Variants in KCTD13 observed in about 807,000 individuals in gnomAD.
KCTD13 encodes potassium channel tetramerization domain containing 13.
A neutral mutation model predicts 32.3 loss-of-function variants in KCTD13; 15 were observed. That is an observed-to-expected ratio of 0.46 (90% confidence interval 0.31 to 0.71). The LOEUF is 0.71. Ranked by LOEUF, KCTD13 falls within the 30% of genes least tolerant of loss-of-function variation. The pLI, the probability that KCTD13 is intolerant of heterozygous loss-of-function variation, is 0.05. For synonymous variants in KCTD13, 189 were observed against 200.1 expected (o/e 0.94, Z 0.47); for missense variants, 337 against 452.6 (o/e 0.74, Z 2.32).
rs1482195369 is a variant in KCTD13, at chr16:29,906,831, T to G, written c.*41A>C. 1.3e-6 allele frequency: 2 copies of G among 1,556,222 alleles called. No individual in the cohort carries two copies. The highest frequency in any genetic ancestry group is 4.5e-5 in the East Asian group (2 of 44,402). On this transcript the variant is annotated 3_prime_UTR_variant, in exon 6 of 6. Transcript: ENST00000568000. ...GAAGGGGAGGGAAAGAGAGAGGGAC[T>G]GGGTCCCAAGGCAAGAGGAAGGCAG...
chr16:29,909,373 T>G (rs1031344274), intron 5 of KCTD13, among the ~76,000 whole-genome samples: 15 of 152,068 alleles, frequency 9.9e-5, no homozygotes, highest in Admixed American at 9.8e-4. Context: ...GAGGCAACAG[T>G]GTGTGCAGAG....
At chr16:29,912,260 C>A in intron 2 of KCTD13, 1 of 593,544 alleles carries the variant, frequency 1.7e-6, no homozygotes, top group South Asian at 2.1e-5. Context: ...ACACATCCAG[C>A]TTGTGCCTGC....
chr16:29,923,255 G>A lies in KCTD13; in HGVS notation c.349C>T (p.Leu117=). ...AGGTAGTAGCGTGCTTCGCCCAGCA[G>A]CTCCCCCAGTTCTCTCGTACTCTCC... The part of the protein sequence containing the change: ...LPESTRELGE[L]LGEARYYLVQ... The change falls in exon 2 of 6, where the codon CTG becomes TTG. Residue 117 remains leucine, a synonymous_variant. Coordinates refer to ENST00000568000, the MANE Select transcript of KCTD13 (RefSeq NM_178863.5). 6.2e-7 allele frequency: 1 copy of A among 1,614,166 alleles called. No homozygotes were observed. Among genetic ancestry groups the A allele is most frequent in the South Asian group, 1.1e-5 (1 of 91,082 alleles).
chr16:29,921,648 C>A (rs922084220), intron 2 of KCTD13: 1 of 151,988 alleles, frequency 6.6e-6, no homozygotes, highest in African/African-American at 2.4e-5. Context: ...AACTACAGGC[C>A]GGGTTTTAAA....
intron 1 of KCTD13, 53 bp downstream of exon 1, chr16:29,925,737 G>A: frequency 1.9e-6 from 3 of 1,565,278 alleles, no homozygotes; most frequent in Non-Finnish European, 2.6e-6. Context: ...GAGACTGCGG[G>A]GAACGGGAGT....
intron 2 of KCTD13, among the ~76,000 whole-genome samples, chr16:29,917,938 ACT>A (rs1024163760): frequency 2.0e-5 from 3 of 152,100 alleles, no homozygotes; most frequent in Non-Finnish European, 4.4e-5. Context: ...ACAGATCAAG[ACT>A]CTGCCTCAAA....
Position 29,911,080 on chromosome 16 carries a change from C to G in KCTD13, c.651G>C (p.Leu217=). The G allele has an allele frequency of 6.2e-7, 1 of 1,614,186 alleles. No homozygotes were observed. The highest frequency in any genetic ancestry group is 8.5e-7 in the Non-Finnish European group (1 of 1,180,020). ...AAGACCAGCAGCAGATCTCGTCCCC[C>G]AGGACATCCTTGAGGAAGAGTAGCC... The part of the protein sequence containing the change: ...HGRLLFLKDV[L]GDEICCWSFY... Residue 217 remains leucine (L), a synonymous_variant, in exon 5 of 6, where the codon CTG becomes CTC. Transcript: ENST00000568000.
intron 2 of KCTD13, chr16:29,919,399 C>T (rs2068868303): frequency 6.6e-6 from 1 of 152,102 alleles, no homozygotes; most frequent in Non-Finnish European, 1.5e-5. Flanking sequence ...AAGGCAGTTA[C>T]CTATCAATGA....
At chr16:29,910,943 C>A in intron 5 of KCTD13, 35 bp downstream of exon 5, 2 of 1,590,778 alleles carry the variant, frequency 1.3e-6, no homozygotes, top group South Asian at 2.3e-5. Flanking sequence ...CTGGCCACCC[C>A]CAGCCCCCAA....
At chr16:29,909,291 G>C (rs1439046449) in intron 5 of KCTD13, among the ~76,000 whole-genome samples, 1 of 152,188 alleles carries the variant, frequency 6.6e-6, no homozygotes, top group Non-Finnish European at 1.5e-5. Flanking sequence ...GTGACCCAAA[G>C]AAAGTGATGC....
At chr16:29,925,486 A>C (rs1015355676) in intron 1 of KCTD13, 5 of 426,360 alleles carry the variant, frequency 1.2e-5, no homozygotes, top group Admixed American at 3.8e-5. Context: ...TGAGGGGTGA[A>C]GGGTGGGAGA....
At chr16:29,923,129 C>G in intron 2 of KCTD13, 61 bp downstream of exon 2, 3 of 1,579,032 alleles carry the variant, frequency 1.9e-6, no homozygotes, top group Non-Finnish European at 2.6e-6. Context: ...TTTTTCTGCT[C>G]TAATACCTGC....
chr16:29,922,351 T>A (rs2068928937), intron 2 of KCTD13: 1 of 152,200 alleles, frequency 6.6e-6, no homozygotes. Context: ...ACTTTTATAA[T>A]CTTCTCTTAC....
Position 29,911,029 on chromosome 16 carries a change from G to C in KCTD13, c.702C>G (p.Ala234=). The C allele has an allele frequency of 6.2e-7, 1 of 1,614,144 alleles. No homozygotes were observed. The highest frequency in any genetic ancestry group is 8.5e-7 in the Non-Finnish European group (1 of 1,180,022). ...WSFYGQGRKI[A]EVCCTSIVYA... is the part of the protein sequence containing the mutation. ...AGACAATGGAGGTGCAGCACACCTC[G>C]GCGATTTTGCGGCCCTGCCCGTAGA... Residue 234 remains alanine (A), a synonymous_variant, in exon 5 of 6, where the codon GCC becomes GCG. Coordinates refer to ENST00000568000, the MANE Select transcript of KCTD13 (RefSeq NM_178863.5).
chr16:29,926,143 A>T lies in KCTD13; in HGVS notation c.-110T>A. The T allele has an allele frequency of 2.5e-6, 3 of 1,218,946 alleles. No homozygotes were observed. The highest frequency in any genetic ancestry group is 3.2e-6 in the Non-Finnish European group (3 of 924,888). 75.5% of individuals were successfully genotyped at this position (1,218,946 alleles called of 1,614,324 possible). The stretch of plus-strand genomic sequence containing the variant: ...CCTTGGGCCAGACCGCTCGGCGCAC[A>T]CGCCCACTCACCGCAGCTACTCTGC... On this transcript the variant is annotated 5_prime_UTR_variant, in exon 1 of 6. Coordinates refer to ENST00000568000, the MANE Select transcript of KCTD13 (RefSeq NM_178863.5).
Position 29,906,711 on chromosome 16 carries a change from G to T in KCTD13, c.*161C>A. On this transcript the variant is annotated 3_prime_UTR_variant, in exon 6 of 6. Coordinates refer to ENST00000568000, the MANE Select transcript of KCTD13 (RefSeq NM_178863.5). ...ACCATGTTGTTAGCAATGGGGTTGG[G>T]ATGGGTGGAGAAGGGCCAAAGTGAG... is the stretch of plus-strand genomic sequence containing the variant. 1.5e-6 allele frequency: 1 copy of T among 685,540 alleles called. No homozygotes were observed. The highest frequency in any genetic ancestry group is 1.7e-5 in the African/African-American group (1 of 57,200). The allele number at this position is 685,540 out of a possible 1,614,324, so 42.5% of individuals were successfully genotyped here. A position where few individuals can be genotyped will look rare whatever the true frequency, so the allele number is the denominator to read the frequency against.
intron 2 of KCTD13, among the ~76,000 whole-genome samples, chr16:29,918,787 A>G (rs554686465): frequency 1.3e-5 from 2 of 152,300 alleles, no homozygotes; most frequent in South Asian, 4.1e-4. Context: ...CCTCCTGAGT[A>G]GCTGGGATTA....
chr16:29,925,186 A>G (rs1319657879), intron 1 of KCTD13, among the ~76,000 whole-genome samples: 2 of 152,112 alleles, frequency 1.3e-5, no homozygotes, highest in African/African-American at 4.8e-5. Context: ...CAACACTCCA[A>G]GAAGGTAAGG....
At chr16:29,921,468 T>G (rs1199481623) in intron 2 of KCTD13, 1 of 152,096 alleles carries the variant, frequency 6.6e-6, no homozygotes, top group Non-Finnish European at 1.5e-5. Flanking sequence ...TCAGGTAGCC[T>G]GGGGTCAAAT....
Sources: gnomAD v4.1 joint callset for allele counts (sites outside exome capture counted in the v4.1 genomes callset) on GRCh38, gnomAD v4.1.1 for gene constraint, MANE v1.5 for transcripts, NCBI Gene and HGNC (gene_info 2026-07-23, HGNC 2026-07-21) for gene names.